SIPA1L1: variants seen among roughly 807,000 people sequenced by gnomAD.
The protein encoded by SIPA1L1 is signal-induced proliferation-associated 1-like protein 1.
SIPA1L1 carries 26 observed loss-of-function variants against 162.7 expected under a neutral mutation model. The observed-to-expected ratio is 0.16, with a 90% CI of 0.12 to 0.22. The LOEUF (loss-of-function observed/expected upper bound fraction) is 0.22. Among genes scored for constraint, SIPA1L1 ranks in the 10% least tolerant of loss-of-function variants. The probability of loss-of-function intolerance (pLI) is 1.00; values close to 1 mark genes in which losing one functional copy is unlikely to be tolerated. For synonymous variants in SIPA1L1, 829 were observed against 837.4 expected (o/e 0.99, Z 0.17); for missense variants, 1,874 against 2,241.0 (o/e 0.84, Z 3.31).
intron 2 of SIPA1L1, among the ~76,000 whole-genome samples, chr14:71,355,134 T>C (rs1377007645): frequency 6.6e-5 from 10 of 152,238 alleles, no homozygotes; most frequent in African/African-American, 2.4e-4. Flanking sequence ...AAGTACCTTG[T>C]GTAGTTTGAC....
chr14:71,630,209 C>T (rs1300931397), intron 7 of SIPA1L1, among the ~76,000 whole-genome samples: 1 of 152,156 alleles, frequency 6.6e-6, no homozygotes, highest in East Asian at 1.9e-4. Context: ...TCCGTATGTA[C>T]ATTTTCAGGA....
In SIPA1L1 at chr14:71,709,661, C is replaced by T; in HGVS notation, c.4205C>T (p.Thr1402Ile). ...TFSINDAASHTSTMSSRHSAS... is the reference protein window; with the variant it reads ...TFSINDAASHISTMSSRHSAS... The stretch of plus-strand genomic sequence containing the variant: ...AGTATAAACGATGCTGCTTCCCACA[C>T]AAGGTAACCACCCTTCCCCGCTGTC... The change falls in exon 17 of 24, where the codon ACA (threonine) becomes ATA (isoleucine). Residue 1402 changes from threonine to isoleucine, a missense_variant. Coordinates refer to ENST00000381232, the MANE Select transcript of SIPA1L1 (RefSeq NM_001386936.1). 6.2e-7 allele frequency: 1 copy of T among 1,609,568 alleles called. No individual in the cohort carries two copies. The highest frequency in any genetic ancestry group is 8.5e-7 in the Non-Finnish European group (1 of 1,177,176).
chr14:71,573,461 C>T (rs1054665751), intron 4 of SIPA1L1: 1 of 432,228 alleles, frequency 2.3e-6, no homozygotes, highest in Non-Finnish European at 4.7e-6. Context: ...CACAGTGTGT[C>T]CTGTTTGATT....
intron 2 of SIPA1L1, among the ~76,000 whole-genome samples, chr14:71,412,231 A>G (rs1019045508): frequency 6.6e-6 from 1 of 152,236 alleles, no homozygotes; most frequent in Non-Finnish European, 1.5e-5. Context: ...CACGAGCCAC[A>G]TGTGGCACAG....
intron 6 of SIPA1L1, among the ~76,000 whole-genome samples, chr14:71,621,443 C>T (rs893754778): frequency 2.0e-5 from 3 of 152,154 alleles, no homozygotes; most frequent in Admixed American, 6.5e-5. Flanking sequence ...CCTCAGGACA[C>T]CTCTGCCTCA....
At chr14:71,726,615 G>A (rs192088481) in intron 19 of SIPA1L1, among the ~76,000 whole-genome samples, 1 of 152,324 alleles carries the variant, frequency 6.6e-6, no homozygotes, top group East Asian at 1.9e-4. Flanking sequence ...ATTTGAAACA[G>A]GAGTGTGCTT....
chr14:71,612,679 T>C (rs956007624), intron 5 of SIPA1L1, among the ~76,000 whole-genome samples: 1 of 152,148 alleles, frequency 6.6e-6, no homozygotes, highest in Non-Finnish European at 1.5e-5. Flanking sequence ...CTCTTGTAAT[T>C]GTAGTTTCCT....
chr14:71,400,400 A>T (rs1382803825), intron 2 of SIPA1L1, among the ~76,000 whole-genome samples: 4 of 152,112 alleles, frequency 2.6e-5, no homozygotes, highest in African/African-American at 7.2e-5. Flanking sequence ...TCATTACATA[A>T]AGCATTTTTT....
chr14:71,431,016 A>C (rs1213568562), intron 2 of SIPA1L1, among the ~76,000 whole-genome samples: 1 of 152,078 alleles, frequency 6.6e-6, no homozygotes, highest in Admixed American at 6.6e-5. Context: ...TTTAGGGAAA[A>C]AAAACTTCTT....
chr14:71,585,024 A>G (rs552920639), intron 4 of SIPA1L1, among the ~76,000 whole-genome samples: 1 of 152,050 alleles, frequency 6.6e-6, no homozygotes, highest in African/African-American at 2.4e-5. Context: ...GATGGACAGC[A>G]TTATTTTTGA....
Position 71,740,454 on chromosome 14 carries a change from A to G in SIPA1L1, c.*1293A>G, listed in dbSNP as rs1181269461. On this transcript the variant is annotated 3_prime_UTR_variant, in exon 24 of 24. Coordinates refer to ENST00000381232, the MANE Select transcript of SIPA1L1 (RefSeq NM_001386936.1). Reference sequence around the variant, plus strand: ...CTGGCCAGTGTTGACTGACCTGAGGAGACCCCTTTGTTTGTTGCCTTCATA... The same window carrying G: ...CTGGCCAGTGTTGACTGACCTGAGGGGACCCCTTTGTTTGTTGCCTTCATA... 1 of 152,204 alleles carries G rather than the reference A, an allele frequency of 6.6e-6. No individual in the cohort carries two copies. Among genetic ancestry groups the G allele is most frequent in the African/African-American group, 2.4e-5 (1 of 41,426 alleles). The allele number at this position is 152,204 out of a possible 1,614,324, so 9.4% of individuals were successfully genotyped here.
At chr14:71,414,257 T>C (rs1436506839) in intron 2 of SIPA1L1, among the ~76,000 whole-genome samples, 1 of 152,150 alleles carries the variant, frequency 6.6e-6, no homozygotes, top group African/African-American at 2.4e-5. Flanking sequence ...CACACACCTG[T>C]AATCTCAGCT....
intron 5 of SIPA1L1, among the ~76,000 whole-genome samples, chr14:71,596,399 T>G (rs1459387588): frequency 6.6e-6 from 1 of 152,188 alleles, no homozygotes; most frequent in Non-Finnish European, 1.5e-5. Flanking sequence ...CCAGAGACTT[T>G]TAACTAATCC....
chr14:71,682,637 A>G (rs1334000812), intron 12 of SIPA1L1, among the ~76,000 whole-genome samples: 1 of 152,248 alleles, frequency 6.6e-6, no homozygotes, highest in East Asian at 1.9e-4. Flanking sequence ...TAAAATGTAG[A>G]CTGTGGGGAA....
At chr14:71,512,434 A>G (rs1353114458) in intron 2 of SIPA1L1, among the ~76,000 whole-genome samples, 1 of 151,850 alleles carries the variant, frequency 6.6e-6, no homozygotes, top group African/African-American at 2.4e-5. Flanking sequence ...TAAAAATACA[A>G]AAATTAGCTG....
intron 2 of SIPA1L1, among the ~76,000 whole-genome samples, chr14:71,350,580 A>G (rs77702093): frequency 0.051 from 7,789 of 152,208 alleles, 270 homozygotes; most frequent in Non-Finnish European, 0.068. Flanking sequence ...CAGGGAGCAG[A>G]ATGATCAGAT....
intron 2 of SIPA1L1, among the ~76,000 whole-genome samples, chr14:71,426,904 CAT>C (rs2043611962): frequency 6.6e-6 from 1 of 152,164 alleles, no homozygotes; most frequent in Non-Finnish European, 1.5e-5. Context: ...TGCTCAAAAA[CAT>C]AAAGTAATAA....
At chr14:71,617,716 A>G (rs756103114) in intron 5 of SIPA1L1, among the ~76,000 whole-genome samples, 40 of 152,194 alleles carry the variant, frequency 2.6e-4, no homozygotes, top group Non-Finnish European at 5.9e-5. Context: ...TCAAATGTGT[A>G]TGCATTTTGT....
At chr14:71,363,575 C>T (rs2038004048) in intron 2 of SIPA1L1, among the ~76,000 whole-genome samples, 1 of 152,062 alleles carries the variant, frequency 6.6e-6, no homozygotes, top group South Asian at 2.1e-4. Flanking sequence ...AGTTTTTGAG[C>T]CTCTTTAGGA....
Sources: gnomAD v4.1 joint callset for allele counts (sites outside exome capture counted in the v4.1 genomes callset) on GRCh38, gnomAD v4.1.1 for gene constraint, MANE v1.5 for transcripts, NCBI Gene and HGNC (gene_info 2026-07-23, HGNC 2026-07-21) for gene names.